Variants in PCNX2 observed in about 807,000 individuals in gnomAD.
The protein encoded by PCNX2 is pecanex 2.
In PCNX2, 168 loss-of-function variants were observed where a neutral mutation model predicts 223.8. The ratio of observed to expected loss-of-function variants is 0.75; its 90% confidence interval spans 0.66 to 0.85. PCNX2 has a LOEUF of 0.85. PCNX2 is among the 40% of genes least tolerant of loss of function. The pLI is 0.00. For missense variants in PCNX2, 2,507 were observed against 2,675.5 expected, an observed-to-expected ratio of 0.94 and a Z score of 1.39; for synonymous variants, 1,006 against 1,052.6, an observed-to-expected ratio of 0.96 and a Z score of 0.86.
chr1:233,295,605 C>G lies in PCNX2; in HGVS notation c.-127G>C. ...GCCCCCGCCGTCGCCGCCGCCGTCG[C>G]CCCCGCCGCCTCCTTCCACCCCACG... On this transcript the variant is annotated 5_prime_UTR_variant, in exon 1 of 34. Transcript: ENST00000258229. This position sits in a 1 kb window ranked among gnomAD's most constrained non-coding sequence, Gnocchi z 4.1. 1 of 1,024,056 alleles carries G rather than the reference C, an allele frequency of 9.8e-7. No individual in the cohort carries two copies. The highest frequency in any genetic ancestry group is 1.3e-6 in the Non-Finnish European group (1 of 788,560). 63.4% of individuals were successfully genotyped at this position (1,024,056 alleles called of 1,614,324 possible). A position where few individuals can be genotyped will look rare whatever the true frequency, so the allele number is the denominator to read the frequency against.
intron 10 of PCNX2, among the ~76,000 whole-genome samples, chr1:233,225,278 A>AATG (rs1657640336): frequency 6.6e-6 from 1 of 152,060 alleles, no homozygotes. Context: ...TAATAATAAT[A>AATG]ATAGGAGCAA....
intron 12 of PCNX2, among the ~76,000 whole-genome samples, chr1:233,209,328 G>A (rs1681692927): frequency 6.6e-6 from 1 of 152,188 alleles, no homozygotes; most frequent in Admixed American, 6.5e-5. Flanking sequence ...CTATTGTTAT[G>A]AGGCAAAGTA....
the PCNX2 span, among the ~76,000 whole-genome samples, chr1:233,320,709 T>G: frequency 1.0e-3 from 157 of 152,344 alleles, no homozygotes; most frequent in African/African-American, 3.7e-3. Context: ...TTGCATACTT[T>G]GGAGATACCA....
At chr1:233,062,048 T>C (rs954388367) in intron 23 of PCNX2, among the ~76,000 whole-genome samples, 2 of 152,128 alleles carry the variant, frequency 1.3e-5, no homozygotes, top group Non-Finnish European at 2.9e-5. Context: ...CATGAGCCAC[T>C]GCGCCTAGCC....
rs1379312512 is a variant in PCNX2, at chr1:233,258,408, G to A, written c.1454C>T (p.Ser485Leu). ...GGNAIKDHSSSSREPWESVSR... is the reference protein window; with the variant it reads ...GGNAIKDHSSLSREPWESVSR... ...CACCGATTCCCAGGGTTCCCGTGATGAAGAACTGTGATCCTTGATGGCATT... is the reference window on the plus strand; with the variant it reads ...CACCGATTCCCAGGGTTCCCGTGATAAAGAACTGTGATCCTTGATGGCATT... Residue 485 changes from serine to leucine, a missense_variant, in exon 5 of 34, where the codon TCA (serine) becomes TTA (leucine). By Grantham distance (145) the Ser-to-Leu change is moderately radical. Transcript: ENST00000258229. 6.2e-7 allele frequency: 1 copy of A among 1,613,960 alleles called. No homozygotes were observed. Among genetic ancestry groups the A allele is most frequent in the Non-Finnish European group, 8.5e-7 (1 of 1,179,884 alleles).
intron 21 of PCNX2, among the ~76,000 whole-genome samples, chr1:233,133,528 G>A (rs986975199): frequency 6.6e-6 from 1 of 152,128 alleles, no homozygotes; most frequent in African/African-American, 2.4e-5. Context: ...GAGGGACGTA[G>A]GTCACTGAAA....
At chr1:233,268,147 G>A (rs1242324618) in intron 1 of PCNX2, among the ~76,000 whole-genome samples, 1 of 152,184 alleles carries the variant, frequency 6.6e-6, no homozygotes, top group Non-Finnish European at 1.5e-5. Flanking sequence ...CCCAACCTCA[G>A]GTGATCCACT....
intron 1 of PCNX2, among the ~76,000 whole-genome samples, chr1:233,265,193 T>C (rs1572175079): frequency 1.3e-5 from 2 of 150,736 alleles, no homozygotes; most frequent in South Asian, 4.2e-4. Flanking sequence ...CAGTGAGCTA[T>C]AATCATGCCA....
intron 19 of PCNX2, among the ~76,000 whole-genome samples, chr1:233,140,905 C>T (rs891323661): frequency 6.6e-6 from 1 of 152,124 alleles, no homozygotes; most frequent in African/African-American, 2.4e-5. Flanking sequence ...CTGCAGTGGG[C>T]CCCCACCTAC....
chr1:233,112,023 C>G (rs1675146282), intron 21 of PCNX2, among the ~76,000 whole-genome samples: 1 of 152,216 alleles, frequency 6.6e-6, no homozygotes, highest in African/African-American at 2.4e-5. Context: ...TATTTATCCT[C>G]TCTTCCTCCC....
the PCNX2 span, among the ~76,000 whole-genome samples, chr1:233,311,797 A>G: frequency 5.3e-5 from 8 of 152,208 alleles, no homozygotes; most frequent in Admixed American, 3.9e-4. Flanking sequence ...CTATAATTGC[A>G]GTAGAAAATA....
chr1:233,288,793 G>A, intron 1 of PCNX2: 2 of 736,544 alleles, frequency 2.7e-6, no homozygotes, highest in Admixed American at 2.8e-5. Context: ...CCAGGACCCA[G>A]GAAAGATGCC....
At chr1:233,163,938 C>T (rs1372264396) in intron 17 of PCNX2, among the ~76,000 whole-genome samples, 1 of 152,082 alleles carries the variant, frequency 6.6e-6, no homozygotes, top group Non-Finnish European at 1.5e-5. Context: ...ATCTGTTCAC[C>T]TGTGGGTAGA....
At chr1:233,255,124 G>A (rs1659660771) in intron 5 of PCNX2, among the ~76,000 whole-genome samples, 1 of 152,172 alleles carries the variant, frequency 6.6e-6, no homozygotes. Context: ...AGTCAGGCTT[G>A]TAGGAAGTCA....
the PCNX2 span, among the ~76,000 whole-genome samples, chr1:233,309,438 G>A: frequency 6.3e-4 from 95 of 151,762 alleles, 1 homozygote; most frequent in Non-Finnish European, 2.1e-4. Context: ...CTACTCTGGA[G>A]GCTGAGGCAG....
At chr1:233,193,867 A>G (rs1490341907) in intron 15 of PCNX2, among the ~76,000 whole-genome samples, 1 of 152,172 alleles carries the variant, frequency 6.6e-6, no homozygotes, top group Non-Finnish European at 1.5e-5. Context: ...CTAAAACCCA[A>G]AGAAGGAAAA....
chr1:233,258,197 T>G lies in PCNX2; in HGVS notation c.1665A>C (p.Thr555=). Residue 555 remains threonine, a synonymous_variant, in exon 5 of 34, where the codon ACA becomes ACC. Coordinates refer to ENST00000258229, the MANE Select transcript of PCNX2 (RefSeq NM_014801.4). ...CTAGGTCAGATTTGGAAGTTGGCAT[T>G]GTTTTCTCTGTATCGTTAACAATTT... ...SAEIVNDTEK[T]MPTSKSDLEA... 6.2e-7 allele frequency: 1 copy of G among 1,614,004 alleles called. No individual in the cohort carries two copies. Among genetic ancestry groups the G allele is most frequent in the South Asian group, 1.1e-5 (1 of 91,088 alleles).
intron 25 of PCNX2, among the ~76,000 whole-genome samples, chr1:233,034,976 A>G (rs948520069): frequency 2.0e-5 from 3 of 152,234 alleles, no homozygotes; most frequent in African/African-American, 7.2e-5. Context: ...TCTGGGATTA[A>G]GGGGAACAGA....
intron 9 of PCNX2, among the ~76,000 whole-genome samples, chr1:233,236,588 C>T (rs1225474241): frequency 6.6e-6 from 1 of 152,110 alleles, no homozygotes; most frequent in Non-Finnish European, 1.5e-5. Flanking sequence ...AATCAATGTG[C>T]ATGAATTTCT....
Sources: gnomAD v4.1 joint callset for allele counts (sites outside exome capture counted in the v4.1 genomes callset) on GRCh38, gnomAD v4.1.1 for gene constraint, Gnocchi (gnomAD v3.1) non-coding constraint, MANE v1.5 for transcripts, NCBI Gene and HGNC (gene_info 2026-07-23, HGNC 2026-07-21) for gene names.